The following BBOX1 variants were observed in gnomAD, a reference collection of about 807,000 sequenced individuals.
The protein encoded by BBOX1 is gamma-butyrobetaine hydroxylase 1.
Under a neutral mutation model 41.6 loss-of-function variants are expected in BBOX1, and 35 were observed. That is an observed-to-expected ratio of 0.84 (90% CI 0.64 to 1.11). The LOEUF (loss-of-function observed/expected upper bound fraction) is 1.11, where lower values mean the gene tolerates loss of function less well. Ranked by LOEUF, BBOX1 falls within the 50% of genes most tolerant of loss-of-function variation. The pLI, the probability that BBOX1 is intolerant of heterozygous loss-of-function variation, is 0.00. For synonymous variants in BBOX1, 163 were observed against 154.7 expected, an observed-to-expected ratio of 1.05 and a Z score of -0.40; for missense variants, 458 against 460.6, an observed-to-expected ratio of 0.99 and a Z score of 0.05.
chr11:27,070,706 A>AT (rs58041903), intron 4 of BBOX1, among the ~76,000 whole-genome samples: 3,111 of 133,612 alleles, frequency 0.023, 56 homozygotes, highest in African/African-American at 0.037. Context: ...TTTGTGATTG[A>AT]TTTTTTTTTT....
At chr11:27,093,525 AATG>A (rs1435984147) in intron 5 of BBOX1, among the ~76,000 whole-genome samples, 159 bp downstream of exon 5, 3 of 151,992 alleles carry the variant, frequency 2.0e-5, no homozygotes, top group African/African-American at 2.4e-5. Flanking sequence ...TTTTGCTGAG[AATG>A]ATAATTTTTT....
intron 4 of BBOX1, among the ~76,000 whole-genome samples, chr11:27,062,778 G>T (rs903056604): frequency 1.3e-5 from 2 of 152,160 alleles, no homozygotes; most frequent in African/African-American, 4.8e-5. Context: ...GGCCAGGATG[G>T]TCTTGATCTC....
At chr11:27,067,753 TC>T (rs1175982067) in intron 4 of BBOX1, among the ~76,000 whole-genome samples, 1 of 151,868 alleles carries the variant, frequency 6.6e-6, no homozygotes, top group Non-Finnish European at 1.5e-5. Context: ...AGAGCGAGAC[TC>T]CATCTCAAAA....
intron 5 of BBOX1, among the ~76,000 whole-genome samples, chr11:27,106,678 T>C (rs376808303): frequency 3.7e-4 from 56 of 152,088 alleles, no homozygotes; most frequent in African/African-American, 1.3e-3. Context: ...GACAGATCAA[T>C]GAGACAGAAA....
chr11:27,055,199 G>T, intron 2 of BBOX1, 194 bp from the exon 3 acceptor site: 2 of 431,104 alleles, frequency 4.6e-6, no homozygotes, highest in Non-Finnish European at 8.3e-6. Context: ...TTTACTTTTA[G>T]TCACTGTGTT....
intron 5 of BBOX1, among the ~76,000 whole-genome samples, chr11:27,098,301 C>T (rs967236133): frequency 7.9e-5 from 12 of 151,956 alleles, no homozygotes; most frequent in African/African-American, 2.4e-4. Flanking sequence ...TTCTGTGAAA[C>T]CACTACCAGT....
chr11:27,063,890 C>G (rs1007894959), intron 4 of BBOX1, among the ~76,000 whole-genome samples: 8 of 152,156 alleles, frequency 5.3e-5, no homozygotes, highest in African/African-American at 1.9e-4. Flanking sequence ...TCCTTTCTTG[C>G]AGAGAACCAT....
chr11:27,126,461 T>A (rs948489717), intron 8 of BBOX1, among the ~76,000 whole-genome samples: 2 of 152,164 alleles, frequency 1.3e-5, no homozygotes, highest in African/African-American at 4.8e-5. Context: ...TTCGACTATT[T>A]AATGGCAGTG....
intron 6 of BBOX1, 109 bp downstream of exon 6, chr11:27,115,666 A>AT (rs1301068080): frequency 4.2e-6 from 4 of 945,624 alleles, no homozygotes; most frequent in Non-Finnish European, 6.0e-6. Context: ...TCTTTTATAA[A>AT]TTTTTTCTCC....
intron 4 of BBOX1, among the ~76,000 whole-genome samples, chr11:27,069,023 CT>C (rs796259546): frequency 8.0e-5 from 12 of 150,084 alleles, no homozygotes; most frequent in East Asian, 5.9e-4. Context: ...CAGATTTGCT[CT>C]TTTTTTTTAG....
chr11:27,124,738 C>T (rs912814273), intron 7 of BBOX1, among the ~76,000 whole-genome samples: 1 of 152,040 alleles, frequency 6.6e-6, no homozygotes, highest in African/African-American at 2.4e-5. Context: ...GCCAGGCTGT[C>T]CTCGAGCTCC....
intron 2 of BBOX1, among the ~76,000 whole-genome samples, chr11:27,046,545 A>G (rs1028964164): frequency 5.3e-5 from 8 of 152,138 alleles, no homozygotes; most frequent in African/African-American, 1.9e-4. Flanking sequence ...GTTTTTCAGA[A>G]CAGGTGAAAC....
intron 5 of BBOX1, among the ~76,000 whole-genome samples, chr11:27,100,032 A>G (rs944840170): frequency 3.4e-4 from 52 of 152,138 alleles, no homozygotes; most frequent in African/African-American, 1.2e-3. Context: ...ACTATAATAT[A>G]TAGCTTTCCA....
At chr11:27,106,926 T>C (rs1858893947) in intron 5 of BBOX1, among the ~76,000 whole-genome samples, 2 of 152,106 alleles carry the variant, frequency 1.3e-5, no homozygotes. Context: ...AATTCAGGAT[T>C]AAGAAACTCA....
intron 7 of BBOX1, among the ~76,000 whole-genome samples, chr11:27,124,252 T>C (rs1255804943): frequency 2.6e-5 from 4 of 152,192 alleles, no homozygotes. Flanking sequence ...TTCCTGCACT[T>C]GTCCTTCTAG....
At chr11:27,086,170 T>C (rs769627594) in intron 4 of BBOX1, among the ~76,000 whole-genome samples, 3 of 152,104 alleles carry the variant, frequency 2.0e-5, no homozygotes, top group Non-Finnish European at 2.9e-5. Context: ...GCTAAGATCA[T>C]TGATGAAGGT....
chr11:27,082,311 C>T (rs948292575), intron 4 of BBOX1, among the ~76,000 whole-genome samples: 10 of 152,052 alleles, frequency 6.6e-5, no homozygotes, highest in African/African-American at 2.4e-4. Flanking sequence ...AAGAAAGAAG[C>T]TGTGACAATT....
At chr11:27,061,997 T>C (rs1410809546) in intron 4 of BBOX1, among the ~76,000 whole-genome samples, 1 of 152,152 alleles carries the variant, frequency 6.6e-6, no homozygotes, top group African/African-American at 2.4e-5. Context: ...TTACTTGAAG[T>C]ACATTAAAAC....
chr11:27,111,676 A>T (rs1301718562), intron 5 of BBOX1, among the ~76,000 whole-genome samples: 1 of 151,886 alleles, frequency 6.6e-6, no homozygotes, highest in African/African-American at 2.4e-5. Context: ...CTAGTTTAAT[A>T]CTTTTTCATA....
Sources: allele counts gnomAD v4.1 joint callset (sites outside exome capture counted in the v4.1 genomes callset), GRCh38; gene constraint gnomAD v4.1.1; transcripts MANE v1.5; gene names NCBI Gene and HGNC (gene_info 2026-07-23, HGNC 2026-07-21).